Variants in ZBTB5 observed in about 807,000 individuals in gnomAD.
ZBTB5 encodes zinc finger and BTB domain-containing protein 5.
In ZBTB5, 15 loss-of-function variants were observed where a neutral mutation model predicts 37.9. That is an observed-to-expected ratio of 0.40 (90% CI 0.26 to 0.61). The LOEUF (loss-of-function observed/expected upper bound fraction) is 0.61, where lower values mean the gene tolerates loss of function less well. Among genes scored for constraint, ZBTB5 ranks in the 20% least tolerant of loss-of-function variants. The probability of loss-of-function intolerance (pLI) is 0.47; values close to 1 mark genes in which losing one functional copy is unlikely to be tolerated. For synonymous variants in ZBTB5, 315 were observed against 312.4 expected (o/e 1.01, Z -0.09); for missense variants, 708 against 856.8 (o/e 0.83, Z 2.17).
At chr9:37,442,655 G>T in intron 1 of ZBTB5, 100 bp from the exon 2 acceptor site, 1 of 967,644 alleles carries the variant, frequency 1.0e-6, no homozygotes, top group Non-Finnish European at 1.5e-6. Flanking sequence ...GGCCAAGCTT[G>T]GACCTTTGAA....
rs765086658 is a variant in ZBTB5, at chr9:37,441,552, G to C, written c.1000C>G (p.Leu334Val). 1.9e-6 allele frequency: 3 copies of C among 1,612,620 alleles called. No individual in the cohort carries two copies. Among genetic ancestry groups the C allele is most frequent in the African/African-American group, 1.3e-5 (1 of 74,548 alleles). Residue 334 changes from leucine (L) to valine (V), a missense_variant, in exon 2 of 2, where the codon CTG becomes GTG. Leu to Val is a conservative substitution (Grantham distance 32). This residue lies in a region of ZBTB5 where 639 missense variants were observed against 690.5 expected (regional missense o/e 0.93). Transcript: ENST00000307750. ...TCATCCTGAGGCTCAGGTGAGCTCA[G>C]GGGCTCAGATTTAACCACCACTCTC... Reference protein sequence around the residue: ...HMRVVVKSEPLSSPEPQDEVS... With the variant: ...HMRVVVKSEPVSSPEPQDEVS...
chr9:37,440,453 A>AT lies in ZBTB5; in HGVS notation c.*64_*65insA, dbSNP rs776111841. ...TGGAAGCCTCGAACCCAAAGGCATT[A>AT]ACTGCTTACCAAAAGAAATTCAGTC... is the stretch of plus-strand genomic sequence containing the variant. On this transcript the variant is annotated 3_prime_UTR_variant, in exon 2 of 2. Coordinates refer to ENST00000307750, the MANE Select transcript of ZBTB5 (RefSeq NM_014872.3). The AT allele has an allele frequency of 8.4e-5, 125 of 1,484,904 alleles. No homozygotes were observed. The highest frequency in any genetic ancestry group is 1.1e-4 in the Non-Finnish European group (117 of 1,083,690). 92.0% of individuals were successfully genotyped at this position (1,484,904 alleles called of 1,614,324 possible).
intron 1 of ZBTB5, among the ~76,000 whole-genome samples, chr9:37,456,940 G>GA (rs771910968): frequency 6.6e-6 from 1 of 152,326 alleles, no homozygotes; most frequent in Non-Finnish European, 1.5e-5. Context: ...GACTATGGAT[G>GA]AAAGATTTTC....
intron 1 of ZBTB5, among the ~76,000 whole-genome samples, chr9:37,460,675 G>A (rs1329561023): frequency 1.3e-5 from 2 of 151,898 alleles, no homozygotes; most frequent in African/African-American, 4.8e-5. Flanking sequence ...AGACCAGCCT[G>A]GAAAACATAG....
Position 37,440,911 on chromosome 9 carries a change from G to A in ZBTB5, c.1641C>T (p.Ser547=), listed in dbSNP as rs756605604. ...RIAPKMPVVT[S]VRSSQIPENS... ...TTTCTGGGATCTGTGAGCTCCTGAC[G>A]GAAGTTACAACTGGCATTTTGGGAG... The change falls in exon 2 of 2, where the codon TCC becomes TCT. Residue 547 remains serine (S), a synonymous_variant. Transcript: ENST00000307750. 2.4e-5 allele frequency: 38 copies of A among 1,614,162 alleles called. No individual in the cohort carries two copies. Among genetic ancestry groups the A allele is most frequent in the Non-Finnish European group, 3.1e-5 (36 of 1,180,030 alleles).
intron 1 of ZBTB5, among the ~76,000 whole-genome samples, chr9:37,453,644 T>C (rs1400628482): frequency 6.6e-6 from 1 of 152,150 alleles, no homozygotes; most frequent in Admixed American, 6.5e-5. Flanking sequence ...TGAGTCCATG[T>C]AGTACAGATC....
intron 1 of ZBTB5, among the ~76,000 whole-genome samples, chr9:37,451,992 AC>A: frequency 1.3e-5 from 2 of 152,302 alleles, no homozygotes; most frequent in East Asian, 3.9e-4. Flanking sequence ...AACTCTTATG[AC>A]CTACCTAATG....
intron 1 of ZBTB5, among the ~76,000 whole-genome samples, chr9:37,458,897 A>G (rs1824238334): frequency 6.6e-6 from 1 of 152,254 alleles, no homozygotes; most frequent in African/African-American, 2.4e-5. Context: ...CATTGACATA[A>G]TTTCAGATTC....
intron 1 of ZBTB5, among the ~76,000 whole-genome samples, chr9:37,450,517 A>C (rs560629803): frequency 1.1e-4 from 17 of 152,354 alleles, no homozygotes; most frequent in Non-Finnish European, 1.8e-4. Context: ...AGAAATTAAC[A>C]AATTCATAAA....
At chr9:37,461,990 T>TA (rs1488920651) in intron 1 of ZBTB5, among the ~76,000 whole-genome samples, 1 of 152,118 alleles carries the variant, frequency 6.6e-6, no homozygotes, top group East Asian at 1.9e-4. Context: ...TACAAGGAAT[T>TA]AGTTGGGTAC....
At position 37,438,353 on chromosome 9, in the gene ZBTB5, C is replaced by G. The variant is rs75994273; in HGVS notation, c.*2165G>C. ...ACCCTGGGACTGGTTTTCCAGGGAA[C>G]CCTGGAATTATTTTTTAAGTGCTAC... On this transcript the variant is annotated 3_prime_UTR_variant, in exon 2 of 2. Transcript: ENST00000307750. 1,383 of 152,614 alleles carry G rather than the reference C, an allele frequency of 9.1e-3. 28 individuals carry two copies. Among genetic ancestry groups the G allele is most frequent in the African/African-American group, 0.032 (1,324 of 41,518 alleles). The allele number at this position is 152,614 out of a possible 1,614,324, so 9.5% of individuals were successfully genotyped here. A position where few individuals can be genotyped will look rare whatever the true frequency, so the allele number is the denominator to read the frequency against.
chr9:37,443,431 C>G (rs1245049270), intron 1 of ZBTB5, among the ~76,000 whole-genome samples: 1 of 152,018 alleles, frequency 6.6e-6, no homozygotes, highest in African/African-American at 2.4e-5. Flanking sequence ...ATTTTGGAAG[C>G]TGGGGAGAGG....
intron 1 of ZBTB5, among the ~76,000 whole-genome samples, chr9:37,451,040 T>C (rs1680486883): frequency 6.6e-6 from 1 of 151,738 alleles, no homozygotes; most frequent in African/African-American, 2.4e-5. Context: ...AATAGCCGGG[T>C]GTGGTGATGC....
In ZBTB5 at chr9:37,442,108, C is replaced by G. The variant is rs1823894514; in HGVS notation, c.444G>C (p.Gln148His). 6.2e-7 allele frequency: 1 copy of G among 1,614,158 alleles called. No homozygotes were observed. The highest frequency in any genetic ancestry group is 1.1e-5 in the South Asian group (1 of 91,086). ...CTGAGCTCACGATGCTTAGTCCCAGCTGCTGTAGCATAAAGGAGCGCTGCA... is the reference window on the plus strand; with the variant it reads ...CTGAGCTCACGATGCTTAGTCCCAGGTGCTGTAGCATAAAGGAGCGCTGCA... ...ARMQRSFMLQ[Q>H]LGLSIVSSAL... The change falls in exon 2 of 2, where the codon CAG becomes CAC. Residue 148 changes from glutamine to histidine, a missense_variant. Gln to His is a conservative substitution (Grantham distance 24). This residue lies in a region of ZBTB5 where 639 missense variants were observed against 690.5 expected (regional missense o/e 0.93). Transcript: ENST00000307750.
rs1230900187 is a variant in ZBTB5, at chr9:37,440,995, C to T, written c.1557G>A (p.Arg519=). ...SGLGLHSSFS[R]VMIGSPRGGA... ...CTCCCCTTGGGGAACCTATCATTAC[C>T]CTGGAGAAGGAGGAGTGGAGGCCCA... Residue 519 remains arginine, a synonymous_variant, in exon 2 of 2, where the codon AGG becomes AGA. Coordinates refer to ENST00000307750, the MANE Select transcript of ZBTB5 (RefSeq NM_014872.3). The T allele has an allele frequency of 2.5e-6, 4 of 1,614,154 alleles. No homozygotes were observed. Among genetic ancestry groups the T allele is most frequent in the Non-Finnish European group, 3.4e-6 (4 of 1,180,038 alleles).
At chr9:37,457,787 C>T (rs1824218449) in intron 1 of ZBTB5, among the ~76,000 whole-genome samples, 1 of 152,132 alleles carries the variant, frequency 6.6e-6, no homozygotes, top group Non-Finnish European at 1.5e-5. Flanking sequence ...GGACAAACCC[C>T]TAGACAGAGG....
rs552135460 is a variant in ZBTB5 at position 37,439,618 on chromosome 9, C to A, written c.*900G>T. The A allele has an allele frequency of 6.6e-6, 1 of 152,234 alleles. No individual in the cohort carries two copies. The highest frequency in any genetic ancestry group is 2.1e-4 in the South Asian group (1 of 4,818). The allele number at this position is 152,234 out of a possible 1,614,324, so 9.4% of individuals were successfully genotyped here. A position where few individuals can be genotyped will look rare whatever the true frequency, so the allele number is the denominator to read the frequency against. On this transcript the variant is annotated 3_prime_UTR_variant, in exon 2 of 2. Transcript: ENST00000307750. Reference sequence around the variant, plus strand: ...GGTAGGATGTGTCAGCCTAGACTGGCCCTCAACATCTGGACGGAGCAACAG... The same window carrying A: ...GGTAGGATGTGTCAGCCTAGACTGGACCTCAACATCTGGACGGAGCAACAG...
chr9:37,462,938 C>A (rs1354169044), intron 1 of ZBTB5, among the ~76,000 whole-genome samples: 2 of 152,038 alleles, frequency 1.3e-5, no homozygotes. Flanking sequence ...AGCCCCGGAA[C>A]CAGCCACACT....
At chr9:37,462,374 C>T (rs927123525) in intron 1 of ZBTB5, among the ~76,000 whole-genome samples, 1 of 152,052 alleles carries the variant, frequency 6.6e-6, no homozygotes, top group Non-Finnish European at 1.5e-5. Flanking sequence ...AAGCCGAAGA[C>T]AGTTTAAAAG....
Sources: gnomAD v4.1 joint callset for allele counts (sites outside exome capture counted in the v4.1 genomes callset) on GRCh38, gnomAD v4.1.1 for gene constraint, gnomAD v4.1.1 regional missense constraint, MANE v1.5 for transcripts, NCBI Gene and HGNC (gene_info 2026-07-23, HGNC 2026-07-21) for gene names.